Variants in PIK3CG observed in about 807,000 individuals in gnomAD.
PIK3CG encodes the protein phosphatidylinositol-4,5-bisphosphate 3-kinase catalytic subunit gamma.
PIK3CG carries 55 observed loss-of-function variants against 102.3 expected under a neutral mutation model. The observed-to-expected ratio is 0.54, with a 90% CI of 0.43 to 0.67. The LOEUF (loss-of-function observed/expected upper bound fraction) is 0.67. Among genes scored for constraint, PIK3CG ranks in the 30% least tolerant of loss-of-function variants. The probability of loss-of-function intolerance (pLI) is 0.00; values close to 1 mark genes in which losing one functional copy is unlikely to be tolerated. For missense variants in PIK3CG, 1,258 were observed against 1,391.8 expected (o/e 0.90, Z 1.53); for synonymous variants, 552 against 540.0 (o/e 1.02, Z -0.31).
At chr7:106,881,995 T>C (rs766357568) in intron 6 of PIK3CG, 122 bp from the exon 7 acceptor site, 4 of 375,690 alleles carry the variant, frequency 1.1e-5, no homozygotes, top group Non-Finnish European at 1.4e-5. Flanking sequence ...TTGTTACTTA[T>C]ATGTTTTACA....
rs1280105636 is a variant in PIK3CG at position 106,874,970 on chromosome 7, C to T, written c.2391+167C>T. 6.6e-6 allele frequency among the ~76,000 whole-genome samples: 1 copy of T among 152,122 alleles called. No homozygotes were observed. Among genetic ancestry groups the T allele is most frequent in the Non-Finnish European group, 1.5e-5 (1 of 68,020 alleles). On this transcript the variant is annotated intron_variant, in intron 5 of 10. Coordinates refer to ENST00000496166, the MANE Select transcript of PIK3CG (RefSeq NM_001282426.2). This position sits in a 1 kb window ranked among gnomAD's most constrained non-coding sequence, Gnocchi z 4.3. ...CTTGTCTAATCACTGGTTATGAAAG[C>T]CTCAATACCAGATAATTTCCCTTCC...
chr7:106,882,221 T>C lies in PIK3CG; in HGVS notation c.2629+14T>C. ...GTGACAAAATAGGTATGTAGTTACCTCAGGAGATGAATAGACCTCTCAGCT... is the reference window on the plus strand; with the variant it reads ...GTGACAAAATAGGTATGTAGTTACCCCAGGAGATGAATAGACCTCTCAGCT... On this transcript the variant is annotated intron_variant, in intron 7 of 10. Coordinates refer to ENST00000496166, the MANE Select transcript of PIK3CG (RefSeq NM_001282426.2). The C allele has an allele frequency of 7.3e-7, 1 of 1,370,602 alleles. No homozygotes were observed. Among genetic ancestry groups the C allele is most frequent in the Non-Finnish European group, 1.0e-6 (1 of 987,370 alleles). 84.9% of individuals were successfully genotyped at this position (1,370,602 alleles called of 1,614,324 possible). A position where few individuals can be genotyped will look rare whatever the true frequency, so the allele number is the denominator to read the frequency against.
rs1791756584 is a variant in PIK3CG at position 106,908,824 on chromosome 7, T to G, written c.*3437T>G. ...AAATCTGACCTAGCATTTGGTATGC[T>G]AGGCTCTGCTTTTCATGATTTTGAA... On this transcript the variant is annotated 3_prime_UTR_variant, in exon 11 of 11. Transcript: ENST00000496166. The surrounding 1 kb of genome is among the most constrained non-coding windows in gnomAD (Gnocchi z 4.1). 6.6e-6 allele frequency among the ~76,000 whole-genome samples: 1 copy of G among 152,220 alleles called. No individual in the cohort carries two copies. The highest frequency in any genetic ancestry group is 2.1e-4 in the South Asian group (1 of 4,832).
In PIK3CG at chr7:106,883,880, C is replaced by T. The variant is rs537453109; in HGVS notation, c.2761-275C>T. Among the ~76,000 whole-genome samples the T allele has an allele frequency of 1.3e-5, 2 of 152,270 alleles. No homozygotes were observed. The highest frequency in any genetic ancestry group is 2.9e-5 in the Non-Finnish European group (2 of 68,022). On this transcript the variant is annotated intron_variant, in intron 8 of 10. Transcript: ENST00000496166. The surrounding 1 kb of genome is among the most constrained non-coding windows in gnomAD (Gnocchi z 5.8). ...TCTATATAGTTGTTGGCAAGTGATGCATGGAGAGGAAGTGAACCCTTTGAT... is the reference window on the plus strand; with the variant it reads ...TCTATATAGTTGTTGGCAAGTGATGTATGGAGAGGAAGTGAACCCTTTGAT...
In PIK3CG at chr7:106,902,984, T is replaced by C. The variant is rs1441532924; in HGVS notation, c.3031-2125T>C. Among the ~76,000 whole-genome samples the C allele has an allele frequency of 2.0e-5, 3 of 152,176 alleles. No individual in the cohort carries two copies. The highest frequency in any genetic ancestry group is 7.2e-5 in the African/African-American group (3 of 41,450). ...TGGAATTTATTTTTGGTATATCACA[T>C]GGAGTAGAATTTTATTTTCTCCCCC... On this transcript the variant is annotated intron_variant, in intron 10 of 10. Transcript: ENST00000496166. This position sits in a 1 kb window ranked among gnomAD's most constrained non-coding sequence, Gnocchi z 4.3.
rs1013463173 is a variant in PIK3CG at position 106,880,011 on chromosome 7, C to T, written c.2538+346C>T. The stretch of plus-strand genomic sequence containing the variant: ...CACTCACTTCATTCCTGCCCATAGA[C>T]ATGTCTGCACATCTCTAGGCACTCT... On this transcript the variant is annotated intron_variant, in intron 6 of 10. Coordinates refer to ENST00000496166, the MANE Select transcript of PIK3CG (RefSeq NM_001282426.2). The surrounding 1 kb of genome is among the most constrained non-coding windows in gnomAD (Gnocchi z 4.2). 2.0e-5 allele frequency among the ~76,000 whole-genome samples: 3 copies of T among 152,166 alleles called. No homozygotes were observed. Among genetic ancestry groups the T allele is most frequent in the Admixed American group, 1.3e-4 (2 of 15,284 alleles).
chr7:106,868,399 T>A lies in PIK3CG; in HGVS notation c.838T>A (p.Tyr280Asn), dbSNP rs759051165. ...FVLRVCGRDE[Y>N]LVGETPIKNF... is the part of the protein sequence containing the mutation. ...GCTGCGCGTCTGTGGCCGGGATGAG[T>A]ACCTGGTGGGCGAAACGCCCATCAA... Residue 280 changes from tyrosine to asparagine, a missense_variant, in exon 2 of 11, where the codon TAC becomes AAC. Tyr to Asn is a moderately radical substitution (Grantham distance 143). Coordinates refer to ENST00000496166, the MANE Select transcript of PIK3CG (RefSeq NM_001282426.2). The surrounding 1 kb of genome is among the most constrained non-coding windows in gnomAD (Gnocchi z 6.2). 3 of 1,614,046 alleles carry A rather than the reference T, an allele frequency of 1.9e-6. No individual in the cohort carries two copies. The highest frequency in any genetic ancestry group is 2.5e-6 in the Non-Finnish European group (3 of 1,180,012).
rs1446063518 is a variant in PIK3CG, at chr7:106,868,492, C to G, written c.931C>G (p.Pro311Ala). The change falls in exon 2 of 11, where the codon CCA becomes GCA. Residue 311 changes from proline to alanine, a missense_variant. Physicochemically the swap from Pro to Ala is conservative, Grantham distance 27. Coordinates refer to ENST00000496166, the MANE Select transcript of PIK3CG (RefSeq NM_001282426.2). This position sits in a 1 kb window ranked among gnomAD's most constrained non-coding sequence, Gnocchi z 6.2. ...EEIHVVLDTP[P>A]DPALDEVRKE... ...GATTCACGTGGTACTGGACACGCCT[C>G]CAGACCCGGCCCTAGACGAGGTGAG... The G allele has an allele frequency of 4.3e-6, 7 of 1,614,044 alleles. No homozygotes were observed. The highest frequency in any genetic ancestry group is 5.9e-6 in the Non-Finnish European group (7 of 1,180,044).
rs1790469350 is a variant in PIK3CG, at chr7:106,869,793, A to C, written c.1995+237A>C. Among the ~76,000 whole-genome samples the C allele has an allele frequency of 6.6e-6, 1 of 152,112 alleles. No homozygotes were observed. The highest frequency in any genetic ancestry group is 1.5e-5 in the Non-Finnish European group (1 of 68,026). ...CATTAGTACTTCACGTTTTTAGGAG[A>C]ATTGGCCCTGTGGGAATACTTTGTT... On this transcript the variant is annotated intron_variant, in intron 2 of 10. Transcript: ENST00000496166. The surrounding 1 kb of genome is among the most constrained non-coding windows in gnomAD (Gnocchi z 5.3).
At position 106,883,058 on chromosome 7, in the gene PIK3CG, C is replaced by T. The variant is rs954044676; in HGVS notation, c.2655C>T (p.Ala885=). The T allele has an allele frequency of 6.2e-7, 1 of 1,613,970 alleles. No individual in the cohort carries two copies. The highest frequency in any genetic ancestry group is 8.5e-7 in the Non-Finnish European group (1 of 1,180,010). Residue 885 remains alanine (A), a synonymous_variant, in exon 8 of 11, where the codon GCC becomes GCT. Transcript: ENST00000496166. The surrounding 1 kb of genome is among the most constrained non-coding windows in gnomAD (Gnocchi z 5.8). ...KIGMIEIVKD[A]TTIAKIQQST... is the part of the protein sequence containing the mutation. ...GAATGATCGAGATTGTGAAAGACGC[C>T]ACGACAATTGCCAAAATTCAGCAAA...
rs1791575399 is a variant in PIK3CG at position 106,902,200 on chromosome 7, C to T, written c.3031-2909C>T. Among the ~76,000 whole-genome samples, 1 of 152,038 alleles carries T rather than the reference C, an allele frequency of 6.6e-6. No individual in the cohort carries two copies. On this transcript the variant is annotated intron_variant, in intron 10 of 10. Coordinates refer to ENST00000496166, the MANE Select transcript of PIK3CG (RefSeq NM_001282426.2). The surrounding 1 kb of genome is among the most constrained non-coding windows in gnomAD (Gnocchi z 4.3). ...TCAGCAGTGGCTCAGTGCAAGCAGC[C>T]CAGGATGGAGAGTCTGTGCTGTGGG...
rs560861633 is a variant in PIK3CG at position 106,879,382 on chromosome 7, C to A, written c.2392-137C>A. ...CTCAAAACAACTTCTGTATTTTTAC[C>A]CAAATATTGAAAATCATTCTCCAAC... is the stretch of plus-strand genomic sequence containing the variant. On this transcript the variant is annotated intron_variant, in intron 5 of 10. Transcript: ENST00000496166. This position sits in a 1 kb window ranked among gnomAD's most constrained non-coding sequence, Gnocchi z 4.9. 6.5e-6 allele frequency: 5 copies of A among 768,694 alleles called. No homozygotes were observed. Among genetic ancestry groups the A allele is most frequent in the Admixed American group, 2.6e-5 (1 of 38,710 alleles). 47.6% of individuals were successfully genotyped at this position (768,694 alleles called of 1,614,324 possible).
rs1306305038 is a variant in PIK3CG at position 106,908,590 on chromosome 7, T to TA, written c.*3207dup. ...TATGGAGAAGTGGAGACATTATAGATAAAATATATCAATTCCCAGAGAAAA... is the reference window on the plus strand; with the variant it reads ...TATGGAGAAGTGGAGACATTATAGATAAAAATATATCAATTCCCAGAGAAAA... On this transcript the variant is annotated 3_prime_UTR_variant, in exon 11 of 11. Transcript: ENST00000496166. This position sits in a 1 kb window ranked among gnomAD's most constrained non-coding sequence, Gnocchi z 4.1. Among the ~76,000 whole-genome samples, 4 of 152,194 alleles carry TA rather than the reference T, an allele frequency of 2.6e-5. No individual in the cohort carries two copies. The East Asian group carries it at 7.7e-4, about 29-fold the overall frequency.
Position 106,891,532 on chromosome 7 carries a change from T to G in PIK3CG, c.3030+5240T>G, listed in dbSNP as rs369137529. Among the ~76,000 whole-genome samples the G allele has an allele frequency of 3.3e-5, 5 of 152,280 alleles. No individual in the cohort carries two copies. The South Asian group carries it at 6.2e-4, about 19-fold the overall frequency. Reference sequence around the variant, plus strand: ...CAGGGCATGGAGTATATACACATAGTGTACATTCAATACAGGACAGTGGAT... The same window carrying G: ...CAGGGCATGGAGTATATACACATAGGGTACATTCAATACAGGACAGTGGAT... On this transcript the variant is annotated intron_variant, in intron 10 of 10. Coordinates refer to ENST00000496166, the MANE Select transcript of PIK3CG (RefSeq NM_001282426.2). The surrounding 1 kb of genome is among the most constrained non-coding windows in gnomAD (Gnocchi z 4.4).
chr7:106,898,273 T>C (rs1288075135), intron 10 of PIK3CG, among the ~76,000 whole-genome samples: 1 of 152,230 alleles, frequency 6.6e-6, no homozygotes, highest in Non-Finnish European at 1.5e-5. Context: ...AGATGCTGGA[T>C]ATTAGACCTT....
rs557273541 is a variant in PIK3CG at position 106,896,767 on chromosome 7, C to T, written c.3031-8342C>T. 9.9e-5 allele frequency among the ~76,000 whole-genome samples: 15 copies of T among 152,164 alleles called. No individual in the cohort carries two copies. The East Asian group carries it at 2.9e-3, about 29-fold the overall frequency. On this transcript the variant is annotated intron_variant, in intron 10 of 10. Transcript: ENST00000496166. The stretch of plus-strand genomic sequence containing the variant: ...CGTTTATTGAGCCTTCACTATGTAC[C>T]GGCCTCCATGCTGGGCGCTTTATGT...
intron 10 of PIK3CG, among the ~76,000 whole-genome samples, chr7:106,898,386 G>A (rs1252207050): frequency 6.6e-6 from 1 of 152,148 alleles, no homozygotes; most frequent in Admixed American, 6.5e-5. Context: ...AGTTTAATTA[G>A]ATCCCACTTG....
rs1432468251 is a variant in PIK3CG, at chr7:106,907,720, T to TTATGCTAATATATATATATAACATATA, written c.*2352_*2378dup. On this transcript the variant is annotated 3_prime_UTR_variant, in exon 11 of 11. Transcript: ENST00000496166. ...CAAATGAACCAGTTCTTTCATTTCA[T>TTATGCTAATATATATATATAACATATA]TATGCTAATATATATATATAACATA... 8.1e-5 allele frequency among the ~76,000 whole-genome samples: 9 copies of TTATGCTAATATATATATATAACATATA among 111,200 alleles called. No individual in the cohort carries two copies. Among genetic ancestry groups the TTATGCTAATATATATATATAACATATA allele is most frequent in the African/African-American group, 2.8e-5 (1 of 35,418 alleles). 73.0% of individuals were successfully genotyped at this position (111,200 alleles called of 152,430 possible).
intron 5 of PIK3CG, among the ~76,000 whole-genome samples, chr7:106,875,290 G>A (rs954913203): frequency 1.3e-5 from 2 of 151,354 alleles, no homozygotes; most frequent in African/African-American, 4.9e-5. Flanking sequence ...GACCTAGGAG[G>A]TGGAGGTTGC....
Sources: gnomAD v4.1 joint callset for allele counts (sites outside exome capture counted in the v4.1 genomes callset) on GRCh38, gnomAD v4.1.1 for gene constraint, Gnocchi (gnomAD v3.1) non-coding constraint, MANE v1.5 for transcripts, NCBI Gene and HGNC (gene_info 2026-07-23, HGNC 2026-07-21) for gene names.